The following ANK3 variants were observed in gnomAD, a reference collection of about 807,000 sequenced individuals.
ANK3 encodes the protein ankyrin 3.
A neutral mutation model predicts 370.9 loss-of-function variants in ANK3; 57 were observed. The ratio of observed to expected loss-of-function variants is 0.15; its 90% CI spans 0.12 to 0.19. The LOEUF (loss-of-function observed/expected upper bound fraction) is 0.19, where lower values mean the gene tolerates loss of function less well. Among genes scored for constraint, ANK3 ranks in the 10% least tolerant of loss-of-function variants. The pLI, the probability that ANK3 is intolerant of heterozygous loss-of-function variation, is 1.00. For missense variants in ANK3, 4,439 were observed against 5,302.1 expected (o/e 0.84, Z 5.06); for synonymous variants, 1,929 against 1,946.3 (o/e 0.99, Z 0.23).
In ANK3 at chr10:60,193,913, G is replaced by A. The variant is rs185982629; in HGVS notation, c.1887+2232C>T. The stretch of plus-strand genomic sequence containing the variant: ...AGGTAGGAGGATCACTTGAGGTTGC[G>A]AGTTTGAGACTAACCTGGCCAACAC... On this transcript the variant is annotated intron_variant, in intron 16 of 43. Transcript: ENST00000280772. 6.2e-3 allele frequency among the ~76,000 whole-genome samples: 950 copies of A among 152,230 alleles called. 2 individuals are homozygous for A. The highest frequency in any genetic ancestry group is 9.6e-3 in the Non-Finnish European group (656 of 68,012).
intron 2 of ANK3, among the ~76,000 whole-genome samples, chr10:60,600,425 A>T (rs1306138515): frequency 6.6e-6 from 1 of 152,172 alleles, no homozygotes; most frequent in Admixed American, 6.6e-5. Flanking sequence ...GACTTCCATG[A>T]TCACAAAACT....
chr10:60,650,388 T>C (rs5785460), intron 1 of ANK3, among the ~76,000 whole-genome samples: 2 of 26,752 alleles, frequency 7.5e-5, no homozygotes, highest in African/African-American at 2.2e-4. Context: ...AAAAAAAAAA[T>C]TTACAAGCTC....
intron 1 of ANK3, among the ~76,000 whole-genome samples, chr10:60,645,587 T>C (rs1271288487): frequency 6.6e-6 from 1 of 151,928 alleles, no homozygotes; most frequent in East Asian, 1.9e-4. Context: ...TAGCTGGCCA[T>C]GGTGGTGGGT....
rs780934694 is a variant in ANK3 at position 60,056,034 on chromosome 10, G to T, written c.12689C>A (p.Pro4230His). Residue 4230 changes from proline (P) to histidine (H), a missense_variant and splice_region_variant, in exon 42 of 44, where the codon CCT (proline) becomes CAT (histidine). By Grantham distance (77) the Pro-to-His change is moderately conservative. Transcript: ENST00000280772. ...GGLLDRLDDS[P>H]DQCRDSITSY... Reference sequence around the variant, plus strand: ...GGTAATGGAATCTCTACACTGGTCAGGGCTGCAACAGAAAATTTGCAAATT... The same window carrying T: ...GGTAATGGAATCTCTACACTGGTCATGGCTGCAACAGAAAATTTGCAAATT... 1.9e-6 allele frequency: 3 copies of T among 1,588,726 alleles called. No homozygotes were observed. Among genetic ancestry groups the T allele is most frequent in the Non-Finnish European group, 2.6e-6 (3 of 1,171,478 alleles).
intron 2 of ANK3, among the ~76,000 whole-genome samples, chr10:60,554,014 G>A (rs1358724433): frequency 1.3e-5 from 2 of 152,094 alleles, no homozygotes; most frequent in Non-Finnish European, 2.9e-5. Context: ...TTAGATTTCT[G>A]GCTTTTCTTA....
intron 1 of ANK3, among the ~76,000 whole-genome samples, chr10:60,315,723 A>G (rs1016929609): frequency 1.3e-5 from 2 of 152,082 alleles, no homozygotes; most frequent in Non-Finnish European, 2.9e-5. Flanking sequence ...AAATATATAT[A>G]TATATACTGC....
At chr10:60,415,870 A>G (rs988029381) in intron 2 of ANK3, among the ~76,000 whole-genome samples, 1 of 147,914 alleles carries the variant, frequency 6.8e-6, no homozygotes, top group African/African-American at 2.5e-5. Context: ...CATTGGTAAA[A>G]GCAGTAATAG....
rs10218966 is a variant in ANK3, at chr10:60,447,772, T to A, written c.96+167414A>T. 2.7e-3 allele frequency among the ~76,000 whole-genome samples: 410 copies of A among 152,160 alleles called. 3 individuals are homozygous for A. Among genetic ancestry groups the A allele is most frequent in the African/African-American group, 9.1e-3 (376 of 41,502 alleles). ...ACTGAAATGGGATGGCCTAATATGG[T>A]GGAAAGAAGCCTGGACTAGCAGTTG... On this transcript the variant is annotated intron_variant, in intron 2 of 43. Transcript: ENST00000373827.
chr10:60,704,085 C>G (rs1427861754), intron 1 of ANK3, among the ~76,000 whole-genome samples: 1 of 152,212 alleles, frequency 6.6e-6, no homozygotes, highest in Admixed American at 6.5e-5. Flanking sequence ...AAGCCCACAT[C>G]ACATGGAGAG....
At chr10:60,030,434 G>A (rs895410465) in intron 43 of ANK3, among the ~76,000 whole-genome samples, 4 of 152,110 alleles carry the variant, frequency 2.6e-5, no homozygotes, top group Non-Finnish European at 2.9e-5. Flanking sequence ...GAGCCACCAC[G>A]CCCGGCCCTC....
chr10:60,132,791 AT>A (rs2094154655), intron 25 of ANK3, among the ~76,000 whole-genome samples: 2 of 137,286 alleles, frequency 1.5e-5, no homozygotes, highest in South Asian at 4.8e-4. Flanking sequence ...TAATTTTTGT[AT>A]TTTTAGTAGA....
Position 60,196,170 on chromosome 10 carries a change from C to G in ANK3, c.1862G>C (p.Gly621Ala). The change falls in exon 16 of 44, where the codon GGA becomes GCA. Residue 621 changes from glycine (G) to alanine (A), a missense_variant. By Grantham distance (60) the Gly-to-Ala change is moderately conservative. This residue lies in a region of ANK3 where 192 missense variants were observed against 192.1 expected (regional missense o/e 1.00). Coordinates refer to ENST00000280772, the MANE Select transcript of ANK3 (RefSeq NM_020987.5). ...QKVALLLLDQ[G>A]ASPHAAAKNG... ...CTTTGCGGCTGCGTGAGGTGAGGCT[C>G]CTTGGTCCAAAAGCAGAAGGGCCAC... 2 of 1,613,856 alleles carry G rather than the reference C, an allele frequency of 1.2e-6. No homozygotes were observed. Among genetic ancestry groups the G allele is most frequent in the Non-Finnish European group, 1.7e-6 (2 of 1,179,860 alleles).
chr10:60,454,945 C>T (rs1396991390), intron 2 of ANK3, among the ~76,000 whole-genome samples: 1 of 152,132 alleles, frequency 6.6e-6, no homozygotes, highest in African/African-American at 2.4e-5. Flanking sequence ...AAATGTTGGA[C>T]ATTATTGTAA....
intron 2 of ANK3, among the ~76,000 whole-genome samples, chr10:60,534,586 G>A (rs754551381): frequency 1.3e-5 from 2 of 152,002 alleles, no homozygotes; most frequent in Non-Finnish European, 2.9e-5. Context: ...TGTAGGGCAG[G>A]GCATGAAGTC....
intron 1 of ANK3, among the ~76,000 whole-genome samples, chr10:60,645,860 A>G (rs1047531963): frequency 1.3e-5 from 2 of 152,228 alleles, no homozygotes; most frequent in African/African-American, 2.4e-5. Context: ...AGCATACAAA[A>G]ACAATCAGGT....
intron 1 of ANK3, among the ~76,000 whole-genome samples, chr10:60,303,142 A>T (rs1449566555): frequency 3.3e-5 from 5 of 152,230 alleles, no homozygotes; most frequent in Non-Finnish European, 7.3e-5. Context: ...CATAACATTG[A>T]TCTGGGCAAT....
At chr10:60,497,845 G>A (rs939354122) in intron 2 of ANK3, among the ~76,000 whole-genome samples, 2 of 152,038 alleles carry the variant, frequency 1.3e-5, no homozygotes, top group Non-Finnish European at 2.9e-5. Flanking sequence ...ACAAAGCACC[G>A]CACACTCACA....
intron 1 of ANK3, among the ~76,000 whole-genome samples, chr10:60,638,223 G>A (rs1392273674): frequency 6.6e-6 from 1 of 152,142 alleles, no homozygotes; most frequent in Non-Finnish European, 1.5e-5. Context: ...AGATTACACA[G>A]GTTTACAAAT....
chr10:60,487,299 C>T (rs10761509), intron 2 of ANK3, among the ~76,000 whole-genome samples: 59,211 of 151,946 alleles, frequency 0.39, 11,821 homozygotes, highest in Middle Eastern at 0.42. Flanking sequence ...AAATAAACTA[C>T]GCAAAGAAGA....
Sources: allele counts gnomAD v4.1 joint callset (sites outside exome capture counted in the v4.1 genomes callset), GRCh38; gene constraint gnomAD v4.1.1; regional missense constraint gnomAD v4.1.1; transcripts MANE v1.5; gene names NCBI Gene and HGNC (gene_info 2026-07-23, HGNC 2026-07-21).